The following WDFY2 variants were observed in gnomAD, a reference collection of about 807,000 sequenced individuals.
WDFY2 encodes the protein WD repeat and FYVE domain containing 2, also known as WD repeat and FYVE domain-containing protein 2.
In WDFY2, 36 loss-of-function variants were observed where a neutral mutation model predicts 56.4. That is an observed-to-expected ratio of 0.64 (90% CI 0.49 to 0.84). The LOEUF is 0.84. Among genes scored for constraint, WDFY2 ranks in the 40% least tolerant of loss-of-function variants. WDFY2 has a pLI of 0.00. For synonymous variants in WDFY2, 176 were observed against 183.7 expected (o/e 0.96, Z 0.34); for missense variants, 444 against 512.2 (o/e 0.87, Z 1.29).
intron 1 of WDFY2, among the ~76,000 whole-genome samples, chr13:51,619,323 G>A (rs1203066456): frequency 6.6e-6 from 1 of 151,806 alleles, no homozygotes; most frequent in Non-Finnish European, 1.5e-5. Flanking sequence ...AATTAGCTGG[G>A]CATGGTGGTG....
chr13:51,686,293 C>T (rs1328005857), intron 3 of WDFY2, among the ~76,000 whole-genome samples: 2 of 152,056 alleles, frequency 1.3e-5, no homozygotes, highest in Admixed American at 6.6e-5. Context: ...CATGGGGTTG[C>T]TGTGAGGATT....
intron 1 of WDFY2, among the ~76,000 whole-genome samples, chr13:51,625,609 C>T (rs1954823788): frequency 1.3e-5 from 2 of 152,218 alleles, no homozygotes; most frequent in Non-Finnish European, 1.5e-5. Flanking sequence ...TAAAAATCCT[C>T]CTCAATTCAG....
intron 3 of WDFY2, among the ~76,000 whole-genome samples, chr13:51,691,746 A>T (rs928323047): frequency 6.6e-6 from 1 of 152,052 alleles, no homozygotes; most frequent in Admixed American, 6.6e-5. Flanking sequence ...AGTCATTGGT[A>T]GCTTGATGGG....
At chr13:51,656,086 G>A (rs1272018716) in intron 1 of WDFY2, among the ~76,000 whole-genome samples, 1 of 58,314 alleles carries the variant, frequency 1.7e-5, no homozygotes, top group African/African-American at 7.0e-5. Context: ...TCTAATCTTT[G>A]TTATTTCCTT....
chr13:51,686,835 ATAGCT>A (rs1163820367), intron 3 of WDFY2, among the ~76,000 whole-genome samples: 2 of 152,050 alleles, frequency 1.3e-5, no homozygotes, highest in East Asian at 1.9e-4. Context: ...AGGAAAAGTA[ATAGCT>A]TAGCAATTAG....
chr13:51,715,898 G>T (rs915233133), intron 4 of WDFY2, among the ~76,000 whole-genome samples: 1 of 152,088 alleles, frequency 6.6e-6, no homozygotes, highest in African/African-American at 2.4e-5. Flanking sequence ...GTTATGTGGA[G>T]CATGACAGTA....
intron 3 of WDFY2, among the ~76,000 whole-genome samples, chr13:51,684,311 A>G (rs1956024317): frequency 6.6e-6 from 1 of 152,080 alleles, no homozygotes; most frequent in African/African-American, 2.4e-5. Context: ...AGAAAAAGAA[A>G]GGAGCCAAAA....
chr13:51,609,447 A>G (rs1236231341), intron 1 of WDFY2, among the ~76,000 whole-genome samples: 1 of 152,168 alleles, frequency 6.6e-6, no homozygotes, highest in Non-Finnish European at 1.5e-5. Flanking sequence ...TAGAAAGTAG[A>G]TACAAGAACT....
intron 1 of WDFY2, among the ~76,000 whole-genome samples, chr13:51,627,011 C>T (rs911399480): frequency 6.6e-6 from 1 of 152,248 alleles, no homozygotes; most frequent in Non-Finnish European, 1.5e-5. Context: ...CACAGCCAGG[C>T]ATGCTGGCTG....
intron 1 of WDFY2, among the ~76,000 whole-genome samples, chr13:51,621,225 C>T (rs943839984): frequency 2.6e-5 from 4 of 152,110 alleles, no homozygotes; most frequent in African/African-American, 9.7e-5. Context: ...ATATTCTTGG[C>T]CGGGCGCGGT....
At chr13:51,673,285 C>T (rs149181312) in intron 2 of WDFY2, among the ~76,000 whole-genome samples, 7 of 152,074 alleles carry the variant, frequency 4.6e-5, no homozygotes, top group African/African-American at 1.4e-4. Context: ...ATAGCATAAC[C>T]GGATATGGAC....
chr13:51,708,583 A>G (rs1024085756), intron 4 of WDFY2, among the ~76,000 whole-genome samples: 1 of 75,680 alleles, frequency 1.3e-5, no homozygotes, highest in Non-Finnish European at 4.4e-5. Flanking sequence ...CAATTAATTA[A>G]AAAAAAAAAG....
At position 51,723,392 on chromosome 13, in the gene WDFY2, G is replaced by C. The variant is rs1356683785; in HGVS notation, c.485+4044G>C. Among the ~76,000 whole-genome samples, 3 of 151,568 alleles carry C rather than the reference G, an allele frequency of 2.0e-5. No homozygotes were observed. The East Asian group carries it at 5.9e-4, about 30-fold the overall frequency. On this transcript the variant is annotated intron_variant, in intron 5 of 11. Transcript: ENST00000298125. Reference sequence around the variant, plus strand: ...GTGGATTTGTTTGAAATTCGATCTAGACAAGATCCACACATTGCATGTGGT... The same window carrying C: ...GTGGATTTGTTTGAAATTCGATCTACACAAGATCCACACATTGCATGTGGT...
chr13:51,723,520 A>G (rs750613192), intron 5 of WDFY2, among the ~76,000 whole-genome samples: 1 of 152,060 alleles, frequency 6.6e-6, no homozygotes, highest in Non-Finnish European at 1.5e-5. Context: ...TCCTGCACAC[A>G]GTCCCATATT....
intron 1 of WDFY2, among the ~76,000 whole-genome samples, chr13:51,616,268 A>AT (rs1566315419): frequency 6.6e-6 from 1 of 152,194 alleles, no homozygotes; most frequent in Non-Finnish European, 1.5e-5. Context: ...GTATAAATTC[A>AT]TGATTCTCAT....
At position 51,753,544 on chromosome 13, in the gene WDFY2, G is replaced by A. The variant is rs376166150; in HGVS notation, c.832-1814G>A. Among the ~76,000 whole-genome samples, 14 of 152,246 alleles carry A rather than the reference G, an allele frequency of 9.2e-5. 1 individual carries two copies. The South Asian group carries it at 1.5e-3, about 16-fold the overall frequency. ...TACCACCATCCAGAAATATCACTCT[G>A]AACATGTTGGCACACATCCTTCCTA... On this transcript the variant is annotated intron_variant, in intron 8 of 11. Transcript: ENST00000298125.
intron 2 of WDFY2, among the ~76,000 whole-genome samples, chr13:51,673,653 C>T (rs1407366224): frequency 6.6e-6 from 1 of 152,014 alleles, no homozygotes; most frequent in Non-Finnish European, 1.5e-5. Flanking sequence ...TCTAATTCTG[C>T]ACACATGTTA....
intron 1 of WDFY2, among the ~76,000 whole-genome samples, chr13:51,636,769 G>C (rs1200142634): frequency 6.6e-6 from 1 of 152,196 alleles, no homozygotes; most frequent in Non-Finnish European, 1.5e-5. Context: ...GAACAGGATA[G>C]AGTCCAGAAA....
intron 1 of WDFY2, among the ~76,000 whole-genome samples, chr13:51,626,069 A>G (rs926822824): frequency 5.3e-5 from 8 of 152,242 alleles, no homozygotes; most frequent in African/African-American, 1.9e-4. Flanking sequence ...GATCTGAAGG[A>G]GGACAGATGC....
Sources: allele counts gnomAD v4.1 joint callset (sites outside exome capture counted in the v4.1 genomes callset), GRCh38; gene constraint gnomAD v4.1.1; transcripts MANE v1.5; gene names NCBI Gene and HGNC (gene_info 2026-07-23, HGNC 2026-07-21).